The following LAMB1 variants were observed in gnomAD, a reference collection of about 807,000 sequenced individuals.
LAMB1 encodes laminin subunit beta 1.
LAMB1 carries 121 observed loss-of-function variants against 222.3 expected under a neutral mutation model. The observed-to-expected ratio is 0.54, with a 90% CI of 0.47 to 0.63. The LOEUF (loss-of-function observed/expected upper bound fraction) is 0.63, where lower values mean the gene tolerates loss of function less well. Ranked by LOEUF, LAMB1 falls within the 30% of genes least tolerant of loss-of-function variation. LAMB1 has a pLI of 0.00. For missense variants in LAMB1, 2,172 were observed against 2,240.8 expected (o/e 0.97, Z 0.62); for synonymous variants, 794 against 807.2 (o/e 0.98, Z 0.28).
At chr7:107,940,890 A>G (rs1204433671) in intron 24 of LAMB1, among the ~76,000 whole-genome samples, 1 of 152,226 alleles carries the variant, frequency 6.6e-6, no homozygotes, top group East Asian at 1.9e-4. Context: ...TACATCACAA[A>G]TGAGAAGCTC....
At chr7:107,985,545 C>T (rs2034057384) in intron 7 of LAMB1, among the ~76,000 whole-genome samples, 1 of 152,144 alleles carries the variant, frequency 6.6e-6, no homozygotes, top group Non-Finnish European at 1.5e-5. Flanking sequence ...AGGAGAATCA[C>T]TTGAACCTGG....
chr7:107,994,558 C>G lies in LAMB1; in HGVS notation c.423+329G>C, dbSNP rs1353803828. Among the ~76,000 whole-genome samples the G allele has an allele frequency of 3.9e-5, 6 of 152,088 alleles. No homozygotes were observed. The South Asian group carries it at 1.2e-3, about 31-fold the overall frequency. On this transcript the variant is annotated intron_variant, in intron 5 of 33. Transcript: ENST00000222399. Reference sequence around the variant, plus strand: ...GTATTAAAACAGAAACACAAGGGACCAGGGATTTACTCTCCAGATGTTTTA... The same window carrying G: ...GTATTAAAACAGAAACACAAGGGACGAGGGATTTACTCTCCAGATGTTTTA...
At chr7:107,979,738 A>T (rs1418906694) in intron 8 of LAMB1, among the ~76,000 whole-genome samples, 1 of 152,224 alleles carries the variant, frequency 6.6e-6, no homozygotes, top group Admixed American at 6.5e-5. Flanking sequence ...AACCAACTCC[A>T]TTTGATCCCT....
At chr7:107,950,923 G>GGGGTGT (rs372104608) in intron 24 of LAMB1, among the ~76,000 whole-genome samples, 1 of 147,750 alleles carries the variant, frequency 6.8e-6, no homozygotes, top group African/African-American at 2.5e-5. Context: ...GTGTATTTGT[G>GGGGTGT]GTGTGTGTGT....
chr7:107,994,640 C>G (rs1007101702), intron 5 of LAMB1, among the ~76,000 whole-genome samples: 1 of 152,120 alleles, frequency 6.6e-6, no homozygotes, highest in Non-Finnish European at 1.5e-5. Flanking sequence ...AAAAAGATAC[C>G]TAATTAAAAG....
At chr7:107,983,760 C>A (rs1231916678) in intron 7 of LAMB1, among the ~76,000 whole-genome samples, 1 of 152,010 alleles carries the variant, frequency 6.6e-6, no homozygotes, top group Non-Finnish European at 1.5e-5. Context: ...TCGTGATCCA[C>A]CCGCCTAGGC....
At chr7:107,960,259 C>A (rs896487610) in intron 18 of LAMB1, among the ~76,000 whole-genome samples, 186 bp downstream of exon 18, 2 of 152,188 alleles carry the variant, frequency 1.3e-5, no homozygotes, top group African/African-American at 2.4e-5. Flanking sequence ...AATATCAATT[C>A]CATCTTCAGT....
intron 12 of LAMB1, 26 bp downstream of exon 12, chr7:107,974,960 A>G: frequency 7.8e-7 from 1 of 1,289,868 alleles, no homozygotes. Flanking sequence ...CCAACCACCC[A>G]TCCCACGTAA....
chr7:107,958,785 G>A (rs1249941664), intron 20 of LAMB1, among the ~76,000 whole-genome samples: 1 of 152,190 alleles, frequency 6.6e-6, no homozygotes, highest in East Asian at 1.9e-4. Flanking sequence ...CTGGAGAACA[G>A]ATCTACTTAG....
intron 13 of LAMB1, among the ~76,000 whole-genome samples, chr7:107,966,135 C>G (rs1347715610): frequency 1.3e-5 from 2 of 152,034 alleles, no homozygotes; most frequent in Non-Finnish European, 2.9e-5. Context: ...CTAAACGACC[C>G]TGCCGCAGCA....
intron 5 of LAMB1, among the ~76,000 whole-genome samples, chr7:107,993,392 C>A (rs2034222771): frequency 6.6e-6 from 1 of 152,176 alleles, no homozygotes; most frequent in Admixed American, 6.5e-5. Context: ...CCTTGGCCTC[C>A]CAAAGTGCTG....
chr7:107,989,710 T>C (rs1051729038), intron 5 of LAMB1, among the ~76,000 whole-genome samples: 2 of 152,186 alleles, frequency 1.3e-5, no homozygotes, highest in Non-Finnish European at 2.9e-5. Context: ...CGTGAGAGCC[T>C]GGCTGGGAGG....
chr7:107,955,778 G>T, intron 20 of LAMB1, 148 bp from the exon 21 acceptor site: 1 of 703,482 alleles, frequency 1.4e-6, no homozygotes, highest in Non-Finnish European at 2.2e-6. Flanking sequence ...TGTCACCCAG[G>T]CTGGAGTGCA....
chr7:107,960,136 T>C (rs1455034412), intron 18 of LAMB1, among the ~76,000 whole-genome samples: 1 of 152,158 alleles, frequency 6.6e-6, no homozygotes, highest in Non-Finnish European at 1.5e-5. Flanking sequence ...AAAACATACA[T>C]TTCAGGTATT....
intron 9 of LAMB1, among the ~76,000 whole-genome samples, chr7:107,977,226 G>A (rs1031046799): frequency 2.0e-5 from 3 of 151,924 alleles, no homozygotes; most frequent in Non-Finnish European, 4.4e-5. Context: ...TTCTATAATA[G>A]TCCTTCTCAG....
intron 4 of LAMB1, among the ~76,000 whole-genome samples, chr7:107,995,605 AG>A (rs1046342836): frequency 2.0e-5 from 3 of 152,216 alleles, no homozygotes; most frequent in Non-Finnish European, 2.9e-5. Flanking sequence ...CTTCTCTTTC[AG>A]GGGAAAGCCT....
intron 24 of LAMB1, among the ~76,000 whole-genome samples, chr7:107,942,925 A>C (rs975759380): frequency 7.9e-5 from 12 of 152,242 alleles, no homozygotes; most frequent in Non-Finnish European, 1.3e-4. Flanking sequence ...TTAGGATTTT[A>C]AAACATGTAA....
At chr7:107,925,455 T>A (rs2032539252) in intron 32 of LAMB1, among the ~76,000 whole-genome samples, 1 of 152,154 alleles carries the variant, frequency 6.6e-6, no homozygotes, top group Non-Finnish European at 1.5e-5. Context: ...AGTTTCATCC[T>A]GAAACCATCC....
In LAMB1 at chr7:107,961,519, G is replaced by A. The variant is rs202041324; in HGVS notation, c.1985+30C>T. On this transcript the variant is annotated intron_variant, in intron 16 of 33. Coordinates refer to ENST00000222399, the MANE Select transcript of LAMB1 (RefSeq NM_002291.3). ...AAATACTAATTTGCATATGAAGCCCGTTGAGCTGCCAAACCACCGTCACAC... is the reference window on the plus strand; with the variant it reads ...AAATACTAATTTGCATATGAAGCCCATTGAGCTGCCAAACCACCGTCACAC... 38 of 1,601,554 alleles carry A rather than the reference G, an allele frequency of 2.4e-5. No individual in the cohort carries two copies. In the East Asian group the frequency reaches 4.9e-4, roughly 21 times the overall value.
Sources: allele counts gnomAD v4.1 joint callset (sites outside exome capture counted in the v4.1 genomes callset), GRCh38; gene constraint gnomAD v4.1.1; transcripts MANE v1.5; gene names NCBI Gene and HGNC (gene_info 2026-07-23, HGNC 2026-07-21).